C12orf75: variants seen among roughly 807,000 people sequenced by gnomAD.
C12orf75 encodes the protein overexpressed in colon carcinoma 1 protein.
C12orf75 carries 4 observed loss-of-function variants against 11.4 expected under a neutral mutation model. That is an observed-to-expected ratio of 0.35 (90% CI 0.17 to 0.80). The LOEUF is 0.80. Ranked by LOEUF, C12orf75 falls within the 30% of genes least tolerant of loss-of-function variation. The probability of loss-of-function intolerance (pLI) is 0.52; values close to 1 mark genes in which losing one functional copy is unlikely to be tolerated. For synonymous variants in C12orf75, 30 were observed against 30.0 expected (o/e 1.00, Z 0.00); for missense variants, 89 against 80.4 (o/e 1.11, Z -0.41).
At chr12:105,333,449 C>T (rs973808166) in intron 1 of C12orf75, among the ~76,000 whole-genome samples, 1 of 152,110 alleles carries the variant, frequency 6.6e-6, no homozygotes, top group Non-Finnish European at 1.5e-5. Context: ...TTGTCTTTCT[C>T]TTCTAGTTAC....
chr12:105,356,049 G>A (rs922810751), intron 2 of C12orf75, among the ~76,000 whole-genome samples: 5 of 152,146 alleles, frequency 3.3e-5, no homozygotes. Context: ...GAGATCAAAA[G>A]AAAACAGTCC....
intron 1 of C12orf75, among the ~76,000 whole-genome samples, chr12:105,331,591 A>AACAC (rs71440581): frequency 0.15 from 21,898 of 149,172 alleles, 1,959 homozygotes; most frequent in Non-Finnish European, 0.21. Flanking sequence ...CTTTTCATTA[A>AACAC]ACACACACAC....
intron 1 of C12orf75, among the ~76,000 whole-genome samples, chr12:105,342,147 C>T (rs565541861): frequency 6.6e-6 from 1 of 152,310 alleles, no homozygotes; most frequent in South Asian, 2.1e-4. Context: ...AGTGCGTTCC[C>T]CAACATGTGT....
chr12:105,332,986 T>A (rs1892454858), intron 1 of C12orf75, among the ~76,000 whole-genome samples: 2 of 151,902 alleles, frequency 1.3e-5, no homozygotes, highest in East Asian at 3.8e-4. Flanking sequence ...TCACTTTTGT[T>A]TGTGGACAGT....
intron 1 of C12orf75, among the ~76,000 whole-genome samples, chr12:105,333,227 T>A (rs528853293): frequency 2.6e-5 from 4 of 152,190 alleles, no homozygotes; most frequent in African/African-American, 9.7e-5. Context: ...ATTTGGTCAT[T>A]GTTATTTTGA....
At chr12:105,357,916 C>G (rs933213351) in intron 2 of C12orf75, among the ~76,000 whole-genome samples, 2 of 152,028 alleles carry the variant, frequency 1.3e-5, no homozygotes, top group Admixed American at 1.3e-4. Flanking sequence ...GCGATCATGA[C>G]TCACTGTAAC....
At chr12:105,331,449 A>G (rs560282693) in intron 1 of C12orf75, among the ~76,000 whole-genome samples, 82 of 152,274 alleles carry the variant, frequency 5.4e-4, no homozygotes, top group African/African-American at 1.9e-3. Flanking sequence ...CAGAGCTGCA[A>G]AAACGCATCT....
At chr12:105,366,918 T>C (rs1460665251) in intron 4 of C12orf75, among the ~76,000 whole-genome samples, 1 of 152,192 alleles carries the variant, frequency 6.6e-6, no homozygotes, top group African/African-American at 2.4e-5. Flanking sequence ...GTGGTTATGC[T>C]CCATATTTTT....
chr12:105,332,418 T>C (rs1451221495), intron 1 of C12orf75, among the ~76,000 whole-genome samples: 1 of 151,906 alleles, frequency 6.6e-6, no homozygotes, highest in Non-Finnish European at 1.5e-5. Flanking sequence ...GGGGAGGGGG[T>C]ACCATTGCCA....
chr12:105,347,949 A>G (rs1290768990), intron 1 of C12orf75, among the ~76,000 whole-genome samples: 1 of 152,192 alleles, frequency 6.6e-6, no homozygotes, highest in African/African-American at 2.4e-5. Flanking sequence ...AAAAAAGAAA[A>G]TGTTTCTCGA....
chr12:105,337,576 T>C (rs760720526), intron 1 of C12orf75, among the ~76,000 whole-genome samples: 2 of 152,118 alleles, frequency 1.3e-5, no homozygotes, highest in African/African-American at 4.8e-5. Flanking sequence ...CAGGAAAGGG[T>C]TGGTTCTCAG....
At position 105,348,502 on chromosome 12, in the gene C12orf75, T is replaced by C. The variant is rs1333856797; in HGVS notation, c.47-100T>C. ...TTTTGAAAATTTTTTTAAACCCATT[T>C]TCTCTTCAGGAATATTACTGTATTT... On this transcript the variant is annotated intron_variant, in intron 1 of 5. Coordinates refer to ENST00000443585, the MANE Select transcript of C12orf75 (RefSeq NM_001145199.2). The C allele has an allele frequency of 1.5e-5, 11 of 713,360 alleles. No individual in the cohort carries two copies. In the South Asian group the frequency reaches 4.0e-4, roughly 26 times the overall value. 44.2% of individuals were successfully genotyped at this position (713,360 alleles called of 1,614,324 possible). A position where few individuals can be genotyped will look rare whatever the true frequency, so the allele number is the denominator to read the frequency against.
At chr12:105,363,509 G>C (rs776748080) in intron 2 of C12orf75, among the ~76,000 whole-genome samples, 1 of 152,074 alleles carries the variant, frequency 6.6e-6, no homozygotes, top group Non-Finnish European at 1.5e-5. Flanking sequence ...GGAGGATCAC[G>C]AGGTCAGGAG....
rs1398629621 is a variant in C12orf75, at chr12:105,371,191, C to A, written c.*591C>A. On this transcript the variant is annotated 3_prime_UTR_variant, in exon 6 of 6. Transcript: ENST00000443585. ...AATTTCATTTAAATGTCAGAATTTC[C>A]TTTTTTAGGAACAATGTGTATTTCA... 1 of 153,688 alleles carries A rather than the reference C, an allele frequency of 6.5e-6. No individual in the cohort carries two copies. Among genetic ancestry groups the A allele is most frequent in the Non-Finnish European group, 1.4e-5 (1 of 69,022 alleles). The allele number at this position is 153,688 out of a possible 1,614,324, so 9.5% of individuals were successfully genotyped here.
At chr12:105,358,530 C>A (rs1407079994) in intron 2 of C12orf75, among the ~76,000 whole-genome samples, 2 of 152,026 alleles carry the variant, frequency 1.3e-5, no homozygotes, top group Non-Finnish European at 1.5e-5. Context: ...CAGAAAAAAA[C>A]CAAAACAATA....
intron 3 of C12orf75, chr12:105,366,144 GTCC>G (rs1871467303): frequency 2.6e-6 from 1 of 387,418 alleles, no homozygotes; most frequent in Non-Finnish European, 4.7e-6. Flanking sequence ...AGCCTTCCCT[GTCC>G]TCCTACTTCT....
chr12:105,365,820 G>A lies in C12orf75; in HGVS notation c.85G>A (p.Val29Ile), dbSNP rs905460233. 10 of 1,549,146 alleles carry A rather than the reference G, an allele frequency of 6.5e-6. No individual in the cohort carries two copies. Among genetic ancestry groups the A allele is most frequent in the East Asian group, 4.9e-5 (2 of 40,902 alleles). Residue 29 changes from valine to isoleucine, a missense_variant, in exon 3 of 6, where the codon GTA becomes ATA. Coordinates refer to ENST00000443585, the MANE Select transcript of C12orf75 (RefSeq NM_001145199.2). ...CTGACCTTTTAGAACAGAAGAATCCGTAACAGAAGATGACAAGAGGAGGTA... is the reference window on the plus strand; with the variant it reads ...CTGACCTTTTAGAACAGAAGAATCCATAACAGAAGATGACAAGAGGAGGTA... ...GAAKDVTEES[V>I]TEDDKRRNYG...
chr12:105,356,852 A>C lies in C12orf75; in HGVS notation c.71+8226A>C, dbSNP rs183044422. Reference sequence around the variant, plus strand: ...ATATTTTATGTATTAACTTTGAATAAGGTTTCACTTAATGAAAGTGATAGT... The same window carrying C: ...ATATTTTATGTATTAACTTTGAATACGGTTTCACTTAATGAAAGTGATAGT... On this transcript the variant is annotated intron_variant, in intron 2 of 5. Transcript: ENST00000443585. Among the ~76,000 whole-genome samples, 10 of 152,364 alleles carry C rather than the reference A, an allele frequency of 6.6e-5. No homozygotes were observed. In the East Asian group the frequency reaches 1.9e-3, roughly 29 times the overall value.
intron 2 of C12orf75, among the ~76,000 whole-genome samples, chr12:105,359,162 G>A (rs1892825275): frequency 6.6e-6 from 1 of 152,202 alleles, no homozygotes; most frequent in African/African-American, 2.4e-5. Flanking sequence ...AAGAAGTCGT[G>A]ATAAGCTTCA....
Sources: gnomAD v4.1 joint callset for allele counts (sites outside exome capture counted in the v4.1 genomes callset) on GRCh38, gnomAD v4.1.1 for gene constraint, MANE v1.5 for transcripts, NCBI Gene and HGNC (gene_info 2026-07-23, HGNC 2026-07-21) for gene names.